SNTG1: variants seen among roughly 807,000 people sequenced by gnomAD.
SNTG1 encodes the protein syntrophin gamma 1.
A neutral mutation model predicts 74.7 loss-of-function variants in SNTG1; 39 were observed. That is an observed-to-expected ratio of 0.52 (90% CI 0.40 to 0.68). SNTG1 has a LOEUF of 0.68. SNTG1 is among the 30% of genes least tolerant of loss of function. SNTG1 has a pLI of 0.00. For synonymous variants in SNTG1, 254 were observed against 217.1 expected, an observed-to-expected ratio of 1.17 and a Z score of -1.49; for missense variants, 685 against 609.5, an observed-to-expected ratio of 1.12 and a Z score of -1.30.
intron 1 of SNTG1, among the ~76,000 whole-genome samples, chr8:50,129,057 A>C (rs2081233764): frequency 6.6e-6 from 1 of 152,100 alleles, no homozygotes; most frequent in Non-Finnish European, 1.5e-5. Flanking sequence ...GATGACAGAC[A>C]ACTGTATTCT....
chr8:50,599,033 AGGC>A (rs2094753147), intron 13 of SNTG1, among the ~76,000 whole-genome samples: 1 of 152,042 alleles, frequency 6.6e-6, no homozygotes, highest in Non-Finnish European at 1.5e-5. Context: ...ACTTTAATAT[AGGC>A]ATGCAATGCA....
chr8:50,358,527 A>G (rs572504445), intron 2 of SNTG1, among the ~76,000 whole-genome samples: 30 of 152,314 alleles, frequency 2.0e-4, no homozygotes, highest in South Asian at 6.2e-4. Context: ...TTATATTTCA[A>G]TATTTCAGAT....
intron 2 of SNTG1, among the ~76,000 whole-genome samples, chr8:50,386,065 T>A (rs931374948): frequency 6.6e-6 from 1 of 152,236 alleles, no homozygotes; most frequent in Non-Finnish European, 1.5e-5. Context: ...GTAGTTCTAA[T>A]GGCATCCATT....
rs1034541015 is a variant in SNTG1 at position 49,917,121 on chromosome 8, G to A, written c.-103+4890G>A. Among the ~76,000 whole-genome samples, 9 of 152,086 alleles carry A rather than the reference G, an allele frequency of 5.9e-5. No homozygotes were observed. The South Asian group carries it at 8.3e-4, about 14-fold the overall frequency. Reference sequence around the variant, plus strand: ...AATTTAGATCATAGATGAGAAAAGAGTATTTTATGGTTAAAAATGCATCCA... The same window carrying A: ...AATTTAGATCATAGATGAGAAAAGAATATTTTATGGTTAAAAATGCATCCA... On this transcript the variant is annotated intron_variant, in intron 1 of 18. Transcript: ENST00000642720.
At chr8:50,602,182 C>A (rs927270540) in intron 13 of SNTG1, among the ~76,000 whole-genome samples, 4 of 151,734 alleles carry the variant, frequency 2.6e-5, no homozygotes, top group Non-Finnish European at 5.9e-5. Flanking sequence ...GTTTTGTGGT[C>A]TTCTCATTCT....
intron 2 of SNTG1, among the ~76,000 whole-genome samples, chr8:50,379,440 T>G (rs992639698): frequency 2.0e-5 from 3 of 152,064 alleles, no homozygotes; most frequent in Non-Finnish European, 4.4e-5. Context: ...CAGGGCTCCC[T>G]CCTGCTCCAG....
intron 1 of SNTG1, among the ~76,000 whole-genome samples, chr8:50,079,925 G>A (rs557854125): frequency 1.3e-5 from 2 of 152,290 alleles, no homozygotes; most frequent in South Asian, 4.1e-4. Context: ...TTTGGTATTA[G>A]TACTATGCTG....
chr8:50,012,056 A>G (rs1199130613), intron 1 of SNTG1, among the ~76,000 whole-genome samples: 1 of 152,212 alleles, frequency 6.6e-6, no homozygotes, highest in Non-Finnish European at 1.5e-5. Flanking sequence ...TAGAAGCCAC[A>G]TTAAATATGT....
At chr8:49,913,558 A>G (rs536711855) in intron 1 of SNTG1, among the ~76,000 whole-genome samples, 1 of 152,304 alleles carries the variant, frequency 6.6e-6, no homozygotes, top group African/African-American at 2.4e-5. Flanking sequence ...GAAAAGGAGC[A>G]GAGGCATCTA....
intron 1 of SNTG1, among the ~76,000 whole-genome samples, chr8:50,095,486 A>G (rs1395056328): frequency 6.6e-6 from 1 of 152,176 alleles, no homozygotes; most frequent in African/African-American, 2.4e-5. Context: ...GGAAAAGGTA[A>G]AAGTCTGCCA....
chr8:50,366,003 C>T (rs10100260), intron 2 of SNTG1, among the ~76,000 whole-genome samples: 2,953 of 152,096 alleles, frequency 0.019, 97 homozygotes, highest in African/African-American at 0.068. Flanking sequence ...TTTTAAACAC[C>T]CAAATTAATT....
chr8:50,480,650 A>G (rs1395946802), intron 8 of SNTG1, among the ~76,000 whole-genome samples: 1 of 152,196 alleles, frequency 6.6e-6, no homozygotes, highest in Non-Finnish European at 1.5e-5. Context: ...TAATCTTTAA[A>G]GTGTTTCTTT....
At chr8:50,057,771 A>G (rs1820147789) in intron 1 of SNTG1, among the ~76,000 whole-genome samples, 1 of 152,044 alleles carries the variant, frequency 6.6e-6, no homozygotes, top group Admixed American at 6.6e-5. Flanking sequence ...GCTCAACAGG[A>G]CTTGGTTAGG....
chr8:50,212,140 C>T (rs1363478190), intron 2 of SNTG1, among the ~76,000 whole-genome samples: 4 of 152,108 alleles, frequency 2.6e-5, no homozygotes, highest in Non-Finnish European at 5.9e-5. Context: ...TCTTCATCAG[C>T]GGACTTAATA....
intron 14 of SNTG1, among the ~76,000 whole-genome samples, chr8:50,657,699 A>G (rs2095192045): frequency 6.6e-6 from 1 of 152,156 alleles, no homozygotes; most frequent in South Asian, 2.1e-4. Context: ...GTAAGCTATC[A>G]TTTATGACAA....
chr8:50,084,354 G>A (rs1366274816), intron 1 of SNTG1, among the ~76,000 whole-genome samples: 1 of 152,122 alleles, frequency 6.6e-6, no homozygotes, highest in African/African-American at 2.4e-5. Context: ...CCAGCTACTG[G>A]GGAAGCTGAG....
chr8:50,040,425 T>C (rs532557399), intron 1 of SNTG1, among the ~76,000 whole-genome samples: 28 of 152,338 alleles, frequency 1.8e-4, no homozygotes, highest in Non-Finnish European at 3.8e-4. Flanking sequence ...TAAGCATTTC[T>C]AGTCATTGTA....
chr8:50,015,621 C>A (rs888925909), intron 1 of SNTG1, among the ~76,000 whole-genome samples: 2 of 152,040 alleles, frequency 1.3e-5, no homozygotes, highest in African/African-American at 2.4e-5. Context: ...CACAAGGGAG[C>A]CTTAATATCA....
intron 2 of SNTG1, among the ~76,000 whole-genome samples, chr8:50,336,872 C>A (rs2091161202): frequency 6.6e-6 from 1 of 152,132 alleles, no homozygotes; most frequent in Admixed American, 6.5e-5. Context: ...GTAGAGATGA[C>A]TTTGAACCCA....
Sources: allele counts gnomAD v4.1 joint callset (sites outside exome capture counted in the v4.1 genomes callset), GRCh38; gene constraint gnomAD v4.1.1; transcripts MANE v1.5; gene names NCBI Gene and HGNC (gene_info 2026-07-23, HGNC 2026-07-21).